The following ATG7 variants were observed in gnomAD, a reference collection of about 807,000 sequenced individuals.
The protein encoded by ATG7 is autophagy related 7.
A neutral mutation model predicts 82.4 loss-of-function variants in ATG7; 70 were observed. The ratio of observed to expected loss-of-function variants is 0.85; its 90% CI spans 0.70 to 1.04. The LOEUF (loss-of-function observed/expected upper bound fraction) is 1.04, where lower values mean the gene tolerates loss of function less well. Ranked by LOEUF, ATG7 falls within the 50% of genes least tolerant of loss-of-function variation. The pLI is 0.00. For missense variants in ATG7, 792 were observed against 864.3 expected, an observed-to-expected ratio of 0.92 and a Z score of 1.05; for synonymous variants, 287 against 313.0, an observed-to-expected ratio of 0.92 and a Z score of 0.88.
chr3:11,506,554 C>CA (rs754696496), intron 20 of ATG7, among the ~76,000 whole-genome samples: 588 of 24,960 alleles, frequency 0.024, 12 homozygotes, highest in Non-Finnish European at 0.035. Context: ...CCCATCTCTA[C>CA]AAAAAAAAAA....
In ATG7 at chr3:11,369,471, C is replaced by T. The variant is rs2076852782; in HGVS notation, c.1875+4737C>T. 1.3e-5 allele frequency among the ~76,000 whole-genome samples: 2 copies of T among 151,148 alleles called. 1 individual carries two copies. Among genetic ancestry groups the T allele is most frequent in the South Asian group, 4.2e-4 (2 of 4,782 alleles). ...ATCTGACTCTGCCAAGTGCCAAGCA[C>T]TATGAAGTTCAGGGAAGTTAAGTAA... On this transcript the variant is annotated intron_variant, in intron 18 of 20. Coordinates refer to ENST00000693202, the MANE Select transcript of ATG7 (RefSeq NM_001349232.2).
At chr3:11,511,484 T>C (rs536745719) in intron 20 of ATG7, among the ~76,000 whole-genome samples, 4 of 152,296 alleles carry the variant, frequency 2.6e-5, no homozygotes, top group Admixed American at 2.0e-4. Flanking sequence ...CTGAGCTAGA[T>C]ATAAAGACTC....
At chr3:11,527,067 GTGTGTATATATA>G (rs2092597563) in intron 20 of ATG7, among the ~76,000 whole-genome samples, 1 of 95,292 alleles carries the variant, frequency 1.0e-5, no homozygotes, top group Admixed American at 1.2e-4. Context: ...GTGTGTGTGT[GTGTGTATATATA>G]TATATATATA....
At chr3:11,393,600 G>C (rs2078986150) in intron 19 of ATG7, among the ~76,000 whole-genome samples, 1 of 152,160 alleles carries the variant, frequency 6.6e-6, no homozygotes, top group South Asian at 2.1e-4. Context: ...GGCCTGCCAT[G>C]GTGTTTTAGT....
chr3:11,523,291 G>T (rs114997084), intron 20 of ATG7, among the ~76,000 whole-genome samples: 306 of 152,300 alleles, frequency 2.0e-3, no homozygotes, highest in African/African-American at 6.7e-3. Flanking sequence ...AATAGGGAAC[G>T]TTCAATTGTG....
chr3:11,392,430 C>T (rs962880121), intron 19 of ATG7, among the ~76,000 whole-genome samples: 1 of 151,138 alleles, frequency 6.6e-6, no homozygotes, highest in African/African-American at 2.4e-5. Flanking sequence ...GAGTAGAATA[C>T]AGAGTCCAGG....
chr3:11,288,018 G>A (rs1374425655), intron 3 of ATG7, among the ~76,000 whole-genome samples: 1 of 151,960 alleles, frequency 6.6e-6, no homozygotes, highest in East Asian at 1.9e-4. Context: ...ATTTTTTTAA[G>A]GGTTGTAAAA....
the ATG7 span, chr3:11,564,784 G>A: frequency 3.3e-6 from 5 of 1,531,442 alleles, no homozygotes; most frequent in Admixed American, 2.0e-5. Context: ...CACCCTCCCA[G>A]ACAGAGGCCC....
At chr3:11,319,773 T>C (rs1328822006) in intron 9 of ATG7, among the ~76,000 whole-genome samples, 2 of 152,318 alleles carry the variant, frequency 1.3e-5, no homozygotes, top group East Asian at 3.9e-4. Flanking sequence ...CTACCACCCC[T>C]GTGTCTTGTG....
intron 19 of ATG7, among the ~76,000 whole-genome samples, chr3:11,395,731 G>A (rs1325255092): frequency 6.6e-6 from 1 of 151,836 alleles, no homozygotes; most frequent in African/African-American, 2.4e-5. Flanking sequence ...ACGAGGTCAG[G>A]AGATCGAGAC....
intron 20 of ATG7, among the ~76,000 whole-genome samples, chr3:11,463,688 A>G (rs2086559867): frequency 6.6e-6 from 1 of 152,236 alleles, no homozygotes; most frequent in Admixed American, 6.5e-5. Context: ...TTCTGATAGG[A>G]ACAGGTTCTC....
chr3:11,574,718 A>G, the ATG7 span, among the ~76,000 whole-genome samples: 1 of 151,952 alleles, frequency 6.6e-6, no homozygotes, highest in African/African-American at 2.4e-5. Context: ...ATCACTCTAC[A>G]TGACACATGT....
intron 20 of ATG7, among the ~76,000 whole-genome samples, chr3:11,488,775 CT>C (rs1186734075): frequency 6.6e-6 from 1 of 152,154 alleles, no homozygotes; most frequent in Non-Finnish European, 1.5e-5. Flanking sequence ...GGTGGATAGG[CT>C]TTTTGATGTG....
At chr3:11,314,055 A>G (rs1949053394) in intron 8 of ATG7, among the ~76,000 whole-genome samples, 1 of 152,242 alleles carries the variant, frequency 6.6e-6, no homozygotes, top group Admixed American at 6.5e-5. Flanking sequence ...GTGGGGAAAC[A>G]TAAGGCAGTA....
intron 20 of ATG7, among the ~76,000 whole-genome samples, chr3:11,508,419 C>T (rs186801657): frequency 1.3e-5 from 2 of 152,012 alleles, no homozygotes; most frequent in Admixed American, 1.3e-4. Flanking sequence ...CCATCCTGGG[C>T]CACATGCGTT....
chr3:11,458,333 C>A (rs530237131), intron 20 of ATG7, among the ~76,000 whole-genome samples: 4 of 151,960 alleles, frequency 2.6e-5, no homozygotes, highest in African/African-American at 9.7e-5. Flanking sequence ...GCACCATCTC[C>A]GCTCACTGCA....
intron 20 of ATG7, among the ~76,000 whole-genome samples, chr3:11,454,318 G>A (rs933509627): frequency 2.0e-5 from 3 of 152,170 alleles, no homozygotes; most frequent in African/African-American, 4.8e-5. Context: ...AGCACATCGT[G>A]TTTCCCTGGC....
At chr3:11,421,361 CA>C (rs1272890514) in intron 19 of ATG7, among the ~76,000 whole-genome samples, 2 of 152,328 alleles carry the variant, frequency 1.3e-5, no homozygotes, top group Admixed American at 1.3e-4. Flanking sequence ...ACTTTATCAA[CA>C]TGATGTTCTA....
At chr3:11,405,662 C>T (rs1424929846) in intron 19 of ATG7, among the ~76,000 whole-genome samples, 1 of 152,084 alleles carries the variant, frequency 6.6e-6, no homozygotes, top group African/African-American at 2.4e-5. Flanking sequence ...ATCTCTCACT[C>T]TGTCGTCCAG....
Sources: allele counts gnomAD v4.1 joint callset (sites outside exome capture counted in the v4.1 genomes callset), GRCh38; gene constraint gnomAD v4.1.1; transcripts MANE v1.5; gene names NCBI Gene and HGNC (gene_info 2026-07-23, HGNC 2026-07-21).